Variants in DARS1 observed in about 807,000 individuals in gnomAD.
DARS1 encodes the protein aspartate--tRNA ligase, cytoplasmic.
Under a neutral mutation model 68.8 loss-of-function variants are expected in DARS1, and 51 were observed. The ratio of observed to expected loss-of-function variants is 0.74; its 90% CI spans 0.59 to 0.94. The LOEUF (loss-of-function observed/expected upper bound fraction) is 0.94. Ranked by LOEUF, DARS1 falls within the 40% of genes least tolerant of loss-of-function variation. The pLI, the probability that DARS1 is intolerant of heterozygous loss-of-function variation, is 0.00. For missense variants in DARS1, 607 were observed against 597.3 expected, an observed-to-expected ratio of 1.02 and a Z score of -0.17; for synonymous variants, 203 against 190.4, an observed-to-expected ratio of 1.07 and a Z score of -0.55.
rs536785339 is a variant in DARS1, at chr2:135,942,682, AAAAAT to A, written c.423+691_423+695del. ...AAAGGAAAAGTAAAAATGGAAACTGAAAAATAAAATAAAATAAAAGTACATCATCA... is the reference window on the plus strand; with the variant it reads ...AAAGGAAAAGTAAAAATGGAAACTGAAAAATAAAATAAAAGTACATCATCA... On this transcript the variant is annotated intron_variant, in intron 5 of 15. Transcript: ENST00000264161. Among the ~76,000 whole-genome samples the A allele has an allele frequency of 7.9e-5, 12 of 152,290 alleles. No individual in the cohort carries two copies. The South Asian group carries it at 2.1e-3, about 26-fold the overall frequency.
chr2:135,961,851 A>C (rs1682109065), intron 3 of DARS1, among the ~76,000 whole-genome samples: 1 of 152,226 alleles, frequency 6.6e-6, no homozygotes, highest in African/African-American at 2.4e-5. Context: ...TTCAACATTC[A>C]TTCAATAGTT....
chr2:135,907,043 C>T lies in DARS1; in HGVS notation c.*273G>A. 1 of 219,758 alleles carries T rather than the reference C, an allele frequency of 4.6e-6. No homozygotes were observed. The highest frequency in any genetic ancestry group is 9.0e-6 in the Non-Finnish European group (1 of 111,064). The allele number at this position is 219,758 out of a possible 1,614,324, so 13.6% of individuals were successfully genotyped here. On this transcript the variant is annotated 3_prime_UTR_variant, in exon 16 of 16. Transcript: ENST00000264161. ...AACAGAATATGAATTTGTAACATAA[C>T]CATATGAATTTCTCAAGTTATTTCC...
chr2:135,919,861 G>A (rs550603785), intron 10 of DARS1, among the ~76,000 whole-genome samples: 1 of 152,280 alleles, frequency 6.6e-6, no homozygotes, highest in African/African-American at 2.4e-5. Flanking sequence ...AATATAAATT[G>A]ATTTAAGAAT....
intron 5 of DARS1, among the ~76,000 whole-genome samples, chr2:135,934,290 G>C (rs1437580475): frequency 6.6e-6 from 1 of 152,042 alleles, no homozygotes; most frequent in Non-Finnish European, 1.5e-5. Flanking sequence ...TAATGACTGG[G>C]GTGTAGGCAC....
At chr2:135,910,801 G>C (rs1206499314) in intron 15 of DARS1, 13 of 207,596 alleles carry the variant, frequency 6.3e-5, no homozygotes, top group South Asian at 4.4e-4. Context: ...ATCTTAAAGT[G>C]AATCAAGTGC....
intron 4 of DARS1, among the ~76,000 whole-genome samples, chr2:135,943,887 A>G (rs1410669493): frequency 6.6e-6 from 1 of 152,190 alleles, no homozygotes; most frequent in Non-Finnish European, 1.5e-5. Flanking sequence ...TATGTGATGG[A>G]ATTAAATAAT....
intron 4 of DARS1, among the ~76,000 whole-genome samples, chr2:135,951,497 T>C (rs1466466391): frequency 6.6e-6 from 1 of 152,268 alleles, no homozygotes; most frequent in Non-Finnish European, 1.5e-5. Flanking sequence ...AACCCTGTTG[T>C]CACTTTCAAG....
At chr2:135,915,926 T>TA (rs1680993467) in intron 11 of DARS1, among the ~76,000 whole-genome samples, 1 of 152,096 alleles carries the variant, frequency 6.6e-6, no homozygotes, top group South Asian at 2.1e-4. Flanking sequence ...TATGAAAACT[T>TA]AGGCAAACTA....
chr2:135,950,352 C>G (rs962410664), intron 4 of DARS1, among the ~76,000 whole-genome samples: 2 of 152,198 alleles, frequency 1.3e-5, no homozygotes, highest in African/African-American at 4.8e-5. Context: ...CTTTTCCTCA[C>G]AGACATATTT....
intron 3 of DARS1, among the ~76,000 whole-genome samples, chr2:135,969,275 A>G (rs965834259): frequency 4.6e-5 from 7 of 152,164 alleles, no homozygotes; most frequent in African/African-American, 9.7e-5. Context: ...AAGACATATT[A>G]AACATACACA....
rs746183495 is a variant in DARS1, at chr2:135,916,298, C to A, written c.1034G>T (p.Arg345Ile). The change falls in exon 11 of 16, where the codon AGA (arginine) becomes ATA (isoleucine). Residue 345 changes from arginine (R) to isoleucine (I), a missense_variant. Arg to Ile is a moderately conservative substitution (Grantham distance 97, BLOSUM62 -3). Transcript: ENST00000264161. Reference sequence around the variant, plus strand: ...AGCCAATGCTTCACAATATTCTAGTCTTAGAGTTGGCTCCAAAAATTTGAA... The same window carrying A: ...AGCCAATGCTTCACAATATTCTAGTATTAGAGTTGGCTCCAAAAATTTGAA... ...EPFKFLEPTL[R>I]LEYCEALAML... The A allele has an allele frequency of 6.4e-7, 1 of 1,553,820 alleles. No homozygotes were observed.
At chr2:135,984,174 C>T (rs1682713392) in intron 1 of DARS1, among the ~76,000 whole-genome samples, 1 of 152,040 alleles carries the variant, frequency 6.6e-6, no homozygotes, top group Admixed American at 6.6e-5. Flanking sequence ...TTATTTCAAT[C>T]TTACTTTACC....
chr2:135,934,286 C>T (rs1246519568), intron 5 of DARS1, among the ~76,000 whole-genome samples: 3 of 152,008 alleles, frequency 2.0e-5, no homozygotes, highest in African/African-American at 7.3e-5. Context: ...TAAGTAATGA[C>T]TGGGGTGTAG....
upstream of DARS1, chr2:135,985,657 G>C (rs1682773789): frequency 1.4e-6 from 2 of 1,397,466 alleles, no homozygotes; most frequent in South Asian, 2.9e-5. Flanking sequence ...CGAGATCCCG[G>C]AGCGCTGGCG....
intron 4 of DARS1, among the ~76,000 whole-genome samples, chr2:135,955,673 CTTTTTTTTTTTTTTTTT>C (rs75123258): frequency 2.0e-3 from 125 of 61,346 alleles, no homozygotes; most frequent in Admixed American, 4.1e-3. Flanking sequence ...AAATAAAAAT[CTTTTTTTTTTTTTTTTT>C]TTTTTTTTTT....
chr2:135,950,944 AG>A (rs568090306), intron 4 of DARS1, among the ~76,000 whole-genome samples: 3 of 152,144 alleles, frequency 2.0e-5, no homozygotes, highest in Non-Finnish European at 4.4e-5. Context: ...GCGTAGTTTC[AG>A]GAATGGAGCA....
chr2:135,957,686 G>C (rs1344728090), intron 4 of DARS1, among the ~76,000 whole-genome samples: 1 of 152,120 alleles, frequency 6.6e-6, no homozygotes, highest in African/African-American at 2.4e-5. Context: ...GTGGTGAGAA[G>C]TATGCACTAC....
At chr2:135,933,763 GTT>G in intron 6 of DARS1, 145 bp downstream of exon 6, 1 of 1,252,210 alleles carries the variant, frequency 8.0e-7, no homozygotes, top group Non-Finnish European at 1.0e-6. Flanking sequence ...ATACCAAAAG[GTT>G]TGAGAATTGC....
chr2:135,907,342 G>T lies in DARS1; in HGVS notation c.1480C>A (p.Arg494Ser). Residue 494 changes from arginine (R) to serine (S), a missense_variant, in exon 16 of 16, where the codon CGT becomes AGT. Transcript: ENST00000264161. ...HNVRQTSMFPRDPKRLTP is the reference protein window; with the variant it reads ...HNVRQTSMFPSDPKRLTP ...TAAGGAGTGAGTCGTTTGGGATCAC[G>T]AGGGAACATGGAGGTCTGACGAACA... is the stretch of plus-strand genomic sequence containing the variant. 1 of 1,587,230 alleles carries T rather than the reference G, an allele frequency of 6.3e-7. No individual in the cohort carries two copies. Among genetic ancestry groups the T allele is most frequent in the South Asian group, 1.1e-5 (1 of 90,650 alleles).
Sources: allele counts gnomAD v4.1 joint callset (sites outside exome capture counted in the v4.1 genomes callset), GRCh38; gene constraint gnomAD v4.1.1; transcripts MANE v1.5; gene names NCBI Gene and HGNC (gene_info 2026-07-23, HGNC 2026-07-21).